SEPTIN2: variants seen among roughly 807,000 people sequenced by gnomAD.
SEPTIN2 encodes the protein septin-2.
In SEPTIN2, 34 loss-of-function variants were observed where a neutral mutation model predicts 46.5. That is an observed-to-expected ratio of 0.73 (90% CI 0.56 to 0.97). The LOEUF (loss-of-function observed/expected upper bound fraction) is 0.97. Among genes scored for constraint, SEPTIN2 ranks in the 50% least tolerant of loss-of-function variants. The pLI is 0.00. For missense variants in SEPTIN2, 347 were observed against 448.4 expected (o/e 0.77, Z 2.04); for synonymous variants, 175 against 153.4 (o/e 1.14, Z -1.04).
rs559405015 is a variant in SEPTIN2, at chr2:241,326,947, A to G, written c.130+834A>G. Among the ~76,000 whole-genome samples the G allele has an allele frequency of 2.4e-4, 36 of 149,806 alleles. No homozygotes were observed. In the East Asian group the frequency reaches 6.7e-3, roughly 28 times the overall value. On this transcript the variant is annotated intron_variant, in intron 3 of 12. Transcript: ENST00000391971. ...AAACTAGCCAGGCATGGTGGCATGT[A>G]CCTGTAGTTCCTCTCACCTGAGTCC... is the stretch of plus-strand genomic sequence containing the variant.
chr2:241,341,539 C>G (rs151284929), intron 7 of SEPTIN2, among the ~76,000 whole-genome samples: 1 of 152,306 alleles, frequency 6.6e-6, no homozygotes, highest in Non-Finnish European at 1.5e-5. Flanking sequence ...CAAGTTCATG[C>G]TTCTTATTGC....
At chr2:241,326,973 A>G (rs1166833887) in intron 3 of SEPTIN2, among the ~76,000 whole-genome samples, 1 of 146,732 alleles carries the variant, frequency 6.8e-6, no homozygotes, top group Non-Finnish European at 1.5e-5. Context: ...ACCTGAGTCC[A>G]GGAGGTTGAG....
rs534975097 is a variant in SEPTIN2, at chr2:241,333,826, A to G, written c.131-1300A>G. On this transcript the variant is annotated intron_variant, in intron 3 of 12. Transcript: ENST00000391971. ...CTGTGCGTCTGCACATTGCAAATTC[A>G]CTTATTTGTTCTTGATTTTCCCAGA... Among the ~76,000 whole-genome samples the G allele has an allele frequency of 3.9e-5, 6 of 152,056 alleles. 1 individual carries two copies. The South Asian group carries it at 1.2e-3, about 32-fold the overall frequency.
At chr2:241,343,232 C>T in intron 8 of SEPTIN2, 139 bp downstream of exon 8, 1 of 610,048 alleles carries the variant, frequency 1.6e-6, no homozygotes, top group Non-Finnish European at 2.9e-6. Flanking sequence ...CATGCAGTGG[C>T]TCATGCCTAT....
chr2:241,339,092 TTAAAA>T, intron 7 of SEPTIN2, among the ~76,000 whole-genome samples: 1 of 139,978 alleles, frequency 7.1e-6, no homozygotes, highest in Middle Eastern at 3.5e-3. Context: ...CATATATTTT[TTAAAA>T]TAAAAGAGTT....
At chr2:241,316,460 T>G (rs2076269742) in intron 1 of SEPTIN2, 4 of 1,478,104 alleles carry the variant, frequency 2.7e-6, no homozygotes, top group Non-Finnish European at 2.7e-6. Context: ...TCCAAGCCCA[T>G]CGGCTGGATG....
chr2:241,349,379 A>T lies in SEPTIN2; in HGVS notation c.985-694A>T, dbSNP rs1431777434. Among the ~76,000 whole-genome samples the T allele has an allele frequency of 1.4e-3, 197 of 139,452 alleles. 1 individual carries two copies. The highest frequency in any genetic ancestry group is 7.2e-3 in the Middle Eastern group (2 of 278). 91.5% of individuals were successfully genotyped at this position (139,452 alleles called of 152,430 possible). ...GCAAGATCCCATCCCTTTAAAAAAA[A>T]AAAAATATATATATATGTATATGTA... On this transcript the variant is annotated intron_variant, in intron 11 of 12. Coordinates refer to ENST00000391971, the MANE Select transcript of SEPTIN2 (RefSeq NM_004404.5).
At chr2:241,317,976 A>G (rs2149802963) in intron 1 of SEPTIN2, among the ~76,000 whole-genome samples, 1 of 152,334 alleles carries the variant, frequency 6.6e-6, no homozygotes, top group East Asian at 1.9e-4. Context: ...AGTTAATCAC[A>G]GTGCTTGGCA....
At chr2:241,346,725 C>A (rs186474676) in intron 10 of SEPTIN2, 6 of 152,422 alleles carry the variant, frequency 3.9e-5, no homozygotes, top group African/African-American at 1.4e-4. Flanking sequence ...TGCACTTTAT[C>A]CTGGGCAATA....
At chr2:241,339,181 G>T (rs2150103383) in intron 7 of SEPTIN2, among the ~76,000 whole-genome samples, 1 of 150,018 alleles carries the variant, frequency 6.7e-6, no homozygotes, top group South Asian at 2.1e-4. Context: ...ATCACCAGAG[G>T]TCAGGAGGTC....
chr2:241,320,356 G>T lies in SEPTIN2; in HGVS notation c.-17-3860G>T, dbSNP rs191411136. The T allele has an allele frequency of 1.9e-4, 90 of 466,548 alleles. 1 individual carries two copies. Among genetic ancestry groups the T allele is most frequent in the East Asian group, 1.5e-3 (22 of 14,364 alleles). 28.9% of individuals were successfully genotyped at this position (466,548 alleles called of 1,614,324 possible). The stretch of plus-strand genomic sequence containing the variant: ...ATTTTCCAGTTTTTGGTTCTGTATT[G>T]GTAATTTACAGTGCCCATTTTTTCT... On this transcript the variant is annotated intron_variant, in intron 1 of 12. Transcript: ENST00000391971.
At chr2:241,349,561 G>A (rs1416071891) in intron 11 of SEPTIN2, among the ~76,000 whole-genome samples, 3 of 151,962 alleles carry the variant, frequency 2.0e-5, no homozygotes, top group Middle Eastern at 3.2e-3. Flanking sequence ...GGTGGCTCAC[G>A]CTTGTAATCC....
chr2:241,330,461 G>A (rs573957276), intron 3 of SEPTIN2, among the ~76,000 whole-genome samples: 1 of 152,326 alleles, frequency 6.6e-6, no homozygotes, highest in East Asian at 1.9e-4. Flanking sequence ...GTGGAGGGAG[G>A]GTTTTCTAAA....
intron 3 of SEPTIN2, among the ~76,000 whole-genome samples, chr2:241,329,281 C>T (rs1228963979): frequency 6.6e-6 from 1 of 151,906 alleles, no homozygotes; most frequent in Non-Finnish European, 1.5e-5. Flanking sequence ...CCCGCCACCA[C>T]ACCTGGCTAA....
chr2:241,323,527 G>A (rs997288117), intron 1 of SEPTIN2, among the ~76,000 whole-genome samples: 2 of 152,194 alleles, frequency 1.3e-5, no homozygotes, highest in Admixed American at 1.3e-4. Flanking sequence ...CAAAGTGCTG[G>A]AATTACAGGC....
chr2:241,333,428 C>T (rs190299704), intron 3 of SEPTIN2, among the ~76,000 whole-genome samples: 5 of 152,320 alleles, frequency 3.3e-5, no homozygotes, highest in Admixed American at 6.5e-5. Context: ...ATGTTCAACA[C>T]ATTGTTTTGT....
chr2:241,316,206 G>A (rs2076199589), intron 1 of SEPTIN2: 2 of 320,290 alleles, frequency 6.2e-6, no homozygotes, highest in South Asian at 9.0e-5. Context: ...GCTCCGACAC[G>A]GGCAGGCCCG....
intron 1 of SEPTIN2, chr2:241,316,398 T>TTAGAGCTTGTGTGGCCATCTTGTCTTTC: frequency 1.1e-6 from 1 of 937,898 alleles, no homozygotes; most frequent in Non-Finnish European, 1.5e-6. Context: ...CTTGTCTTTC[T>TTAGAGCTTGTGTGGCCATCTTGTCTTTC]AACGGTGCCA....
chr2:241,316,502 C>G, intron 1 of SEPTIN2: 1 of 1,511,884 alleles, frequency 6.6e-7, no homozygotes. Flanking sequence ...GCGACTAGGC[C>G]CTGTCTGCGG....
Sources: allele counts gnomAD v4.1 joint callset (sites outside exome capture counted in the v4.1 genomes callset), GRCh38; gene constraint gnomAD v4.1.1; transcripts MANE v1.5; gene names NCBI Gene and HGNC (gene_info 2026-07-23, HGNC 2026-07-21).